Variants in HECW1 observed in about 807,000 individuals in gnomAD.
HECW1 encodes E3 ubiquitin-protein ligase HECW1.
HECW1 carries 61 observed loss-of-function variants against 182.3 expected under a neutral mutation model. The observed-to-expected ratio is 0.33, with a 90% CI of 0.27 to 0.41. The LOEUF is 0.41. Ranked by LOEUF, HECW1 falls within the 10% of genes least tolerant of loss-of-function variation. The probability of loss-of-function intolerance (pLI) is 1.00; values close to 1 mark genes in which losing one functional copy is unlikely to be tolerated. For synonymous variants in HECW1, 859 were observed against 832.6 expected, an observed-to-expected ratio of 1.03 and a Z score of -0.55; for missense variants, 1,739 against 2,108.9, an observed-to-expected ratio of 0.82 and a Z score of 3.44.
At chr7:43,235,818 C>T (rs1026769820) in intron 2 of HECW1, among the ~76,000 whole-genome samples, 1 of 152,032 alleles carries the variant, frequency 6.6e-6, no homozygotes, top group African/African-American at 2.4e-5. Context: ...CAGCACACTC[C>T]CCTGGGCCCA....
intron 5 of HECW1, among the ~76,000 whole-genome samples, chr7:43,351,891 G>A (rs991259371): frequency 1.3e-5 from 2 of 152,024 alleles, no homozygotes; most frequent in Non-Finnish European, 2.9e-5. Context: ...ATGATTCAGA[G>A]GGCTAAGGCT....
rs574031022 is a variant in HECW1, at chr7:43,150,354, G to C, written c.-32+35963G>C. On this transcript the variant is annotated intron_variant, in intron 2 of 29. Coordinates refer to ENST00000395891, the MANE Select transcript of HECW1 (RefSeq NM_015052.5). ...TTTGCTTTAACATTGGAAGGCTACC[G>C]TCACTGAACCAGCATTTTATTTCAT... 1.4e-4 allele frequency among the ~76,000 whole-genome samples: 21 copies of C among 152,252 alleles called. No homozygotes were observed. In the South Asian group the frequency reaches 4.4e-3, roughly 32 times the overall value.
At chr7:43,421,976 G>A (rs1238954652) in intron 8 of HECW1, among the ~76,000 whole-genome samples, 2 of 152,112 alleles carry the variant, frequency 1.3e-5, no homozygotes, top group African/African-American at 2.4e-5. Flanking sequence ...TTGTCTTCTG[G>A]TCTCTTTAAT....
Position 43,463,774 on chromosome 7 carries a change from A to G in HECW1, c.2766A>G (p.Glu922=), listed in dbSNP as rs748440414. ...GGGGGGGSDS[E]AESSQSSLDL... The stretch of plus-strand genomic sequence containing the variant: ...GCGGAGGTGGAGGGAGTGACTCAGA[A>G]GCCGAATCTTCCCAGTCCAGCTTAG... The change falls in exon 14 of 30, where the codon GAA becomes GAG. Residue 922 remains glutamate (E), a synonymous_variant. Coordinates refer to ENST00000395891, the MANE Select transcript of HECW1 (RefSeq NM_015052.5). 1.1e-5 allele frequency: 18 copies of G among 1,613,904 alleles called. No individual in the cohort carries two copies. Among genetic ancestry groups the G allele is most frequent in the Middle Eastern group, 1.6e-4 (1 of 6,084 alleles).
chr7:43,245,627 T>C (rs145238526), intron 3 of HECW1: 27 of 152,334 alleles, frequency 1.8e-4, no homozygotes, highest in African/African-American at 6.0e-4. Flanking sequence ...GGGGATTTTA[T>C]TCAGTGATCC....
intron 2 of HECW1, among the ~76,000 whole-genome samples, chr7:43,184,716 G>A (rs1446510873): frequency 1.3e-5 from 2 of 152,198 alleles, no homozygotes; most frequent in African/African-American, 2.4e-5. Context: ...TCACATTGCT[G>A]TAAAGAAATA....
chr7:43,178,684 G>A lies in HECW1; in HGVS notation c.-32+64293G>A, dbSNP rs79447357. ...TCCCTAATTTAAAGGTGAGAAAGTG[G>A]AGGCTGAAAGATGGAAAGAAACATG... On this transcript the variant is annotated intron_variant, in intron 2 of 29. Transcript: ENST00000395891. Among the ~76,000 whole-genome samples, 238 of 152,296 alleles carry A rather than the reference G, an allele frequency of 1.6e-3. 1 individual carries two copies. Among genetic ancestry groups the A allele is most frequent in the Middle Eastern group, 0.01 (3 of 294 alleles).
At chr7:43,339,490 G>T (rs754810052) in intron 5 of HECW1, among the ~76,000 whole-genome samples, 8 of 152,100 alleles carry the variant, frequency 5.3e-5, no homozygotes, top group Non-Finnish European at 1.2e-4. Context: ...TCTGGCAAAG[G>T]CTGTACTTAA....
chr7:43,336,091 CTT>C (rs1465455119), intron 5 of HECW1, among the ~76,000 whole-genome samples: 7 of 143,250 alleles, frequency 4.9e-5, no homozygotes, highest in African/African-American at 1.4e-4. Context: ...CTTTCTTTCT[CTT>C]TCTTTCTTTC....
chr7:43,342,338 T>C (rs1813100151), intron 5 of HECW1, among the ~76,000 whole-genome samples: 1 of 151,860 alleles, frequency 6.6e-6, no homozygotes. Flanking sequence ...AGCCTTTCTC[T>C]AAGCTGCTTA....
rs564876597 is a variant in HECW1, at chr7:43,170,150, G to A, written c.-32+55759G>A. On this transcript the variant is annotated intron_variant, in intron 2 of 29. Coordinates refer to ENST00000395891, the MANE Select transcript of HECW1 (RefSeq NM_015052.5). ...GATCAGTGGTGACAAGATTCTCATA[G>A]GAGCACGAACCTTATTGTGGACTGC... is the stretch of plus-strand genomic sequence containing the variant. Among the ~76,000 whole-genome samples, 605 of 152,274 alleles carry A rather than the reference G, an allele frequency of 4.0e-3. 4 individuals are homozygous for A. Among genetic ancestry groups the A allele is most frequent in the Middle Eastern group, 0.014 (4 of 294 alleles).
At chr7:43,137,527 C>CA (rs11385196) in intron 2 of HECW1, among the ~76,000 whole-genome samples, 62,718 of 137,296 alleles carry the variant, frequency 0.46, 13,234 homozygotes, top group South Asian at 0.48. Context: ...TTTCTGCCTT[C>CA]TTTTATTTAT....
At chr7:43,220,283 C>T (rs982265013) in intron 2 of HECW1, among the ~76,000 whole-genome samples, 3 of 152,222 alleles carry the variant, frequency 2.0e-5, no homozygotes, top group Non-Finnish European at 2.9e-5. Flanking sequence ...GCAACGCTTC[C>T]TGTGTCCTCT....
At chr7:43,500,244 C>T (rs2079291591) in intron 19 of HECW1, among the ~76,000 whole-genome samples, 1 of 152,068 alleles carries the variant, frequency 6.6e-6, no homozygotes, top group Non-Finnish European at 1.5e-5. Context: ...GGATTACAGG[C>T]AGGCAACACC....
chr7:43,452,366 C>T (rs1216658271), intron 12 of HECW1, among the ~76,000 whole-genome samples: 3 of 152,138 alleles, frequency 2.0e-5, no homozygotes, highest in African/African-American at 7.2e-5. Flanking sequence ...GTACATAAAT[C>T]CGTTGTAAAA....
At chr7:43,138,738 G>A (rs543116667) in intron 2 of HECW1, among the ~76,000 whole-genome samples, 5 of 152,302 alleles carry the variant, frequency 3.3e-5, no homozygotes, top group Admixed American at 1.3e-4. Context: ...GTTTTAGGAC[G>A]GAGTATTCCA....
At chr7:43,456,068 G>C (rs2077393756) in intron 12 of HECW1, among the ~76,000 whole-genome samples, 2 of 152,108 alleles carry the variant, frequency 1.3e-5, no homozygotes, top group Admixed American at 1.3e-4. Flanking sequence ...CACAATTACT[G>C]TTTAATATGG....
At chr7:43,117,244 T>C (rs993741828) in intron 2 of HECW1, among the ~76,000 whole-genome samples, 1 of 152,218 alleles carries the variant, frequency 6.6e-6, no homozygotes, top group Admixed American at 6.5e-5. Context: ...CCACTGAGTA[T>C]GTTTCACAGC....
intron 2 of HECW1, among the ~76,000 whole-genome samples, chr7:43,139,457 G>C (rs1787924369): frequency 6.6e-6 from 1 of 152,170 alleles, no homozygotes; most frequent in Non-Finnish European, 1.5e-5. Flanking sequence ...CTGCCAGGAA[G>C]ACCGTGCTGT....
Sources: allele counts gnomAD v4.1 joint callset (sites outside exome capture counted in the v4.1 genomes callset), GRCh38; gene constraint gnomAD v4.1.1; transcripts MANE v1.5; gene names NCBI Gene and HGNC (gene_info 2026-07-23, HGNC 2026-07-21).